The following ABCB1 variants were observed in gnomAD, a reference collection of about 807,000 sequenced individuals.
The protein encoded by ABCB1 is ATP binding cassette subfamily B member 1.
In ABCB1, 69 loss-of-function variants were observed where a neutral mutation model predicts 142.0. The observed-to-expected ratio is 0.49, with a 90% CI of 0.40 to 0.59. The LOEUF (loss-of-function observed/expected upper bound fraction) is 0.59. Among genes scored for constraint, ABCB1 ranks in the 20% least tolerant of loss-of-function variants. The pLI is 0.00. For synonymous variants in ABCB1, 532 were observed against 539.2 expected, an observed-to-expected ratio of 0.99 and a Z score of 0.18; for missense variants, 1,326 against 1,554.7, an observed-to-expected ratio of 0.85 and a Z score of 2.47.
chr7:87,562,211 G>A (rs1320817437), intron 7 of ABCB1, among the ~76,000 whole-genome samples: 1 of 152,208 alleles, frequency 6.6e-6, no homozygotes, highest in Non-Finnish European at 1.5e-5. Context: ...GACAGCTAGA[G>A]GAATGGGTGG....
At chr7:87,537,541 G>A (rs944983600) in intron 19 of ABCB1, among the ~76,000 whole-genome samples, 1 of 152,146 alleles carries the variant, frequency 6.6e-6, no homozygotes, top group Non-Finnish European at 1.5e-5. Flanking sequence ...CGGAGCTGTC[G>A]CTTACTGATA....
At chr7:87,605,926 G>A (rs919002314) in intron 1 of ABCB1, among the ~76,000 whole-genome samples, 1 of 152,010 alleles carries the variant, frequency 6.6e-6, no homozygotes, top group Non-Finnish European at 1.5e-5. Flanking sequence ...TGACTGGAAA[G>A]GGCTAGTAAT....
intron 1 of ABCB1, among the ~76,000 whole-genome samples, chr7:87,681,377 A>T (rs1826911609): frequency 6.6e-6 from 1 of 150,642 alleles, no homozygotes; most frequent in Non-Finnish European, 1.5e-5. Flanking sequence ...CAAGAAAAGG[A>T]AACTCTACTC....
intron 1 of ABCB1, among the ~76,000 whole-genome samples, chr7:87,617,028 T>C (rs1461254698): frequency 6.6e-6 from 1 of 152,192 alleles, no homozygotes; most frequent in Non-Finnish European, 1.5e-5. Context: ...GGGAGTGGGA[T>C]ACAAGTTGAT....
At chr7:87,543,590 T>C (rs1816639327) in intron 17 of ABCB1, among the ~76,000 whole-genome samples, 2 of 152,272 alleles carry the variant, frequency 1.3e-5, no homozygotes, top group Admixed American at 1.3e-4. Context: ...CTGTTGAAAA[T>C]GCCACCATTA....
chr7:87,661,604 T>A (rs1182886221), intron 1 of ABCB1, among the ~76,000 whole-genome samples: 1 of 151,998 alleles, frequency 6.6e-6, no homozygotes, highest in African/African-American at 2.4e-5. Context: ...AGGATCTCAT[T>A]TTTTTATGGC....
At chr7:87,657,847 T>C (rs1254900537) in intron 1 of ABCB1, among the ~76,000 whole-genome samples, 1 of 152,106 alleles carries the variant, frequency 6.6e-6, no homozygotes, top group Non-Finnish European at 1.5e-5. Flanking sequence ...GGAAGCCAAT[T>C]GGGAAACTTG....
chr7:87,678,831 G>A (rs541219598), intron 1 of ABCB1, among the ~76,000 whole-genome samples: 1 of 152,222 alleles, frequency 6.6e-6, no homozygotes, highest in South Asian at 2.1e-4. Flanking sequence ...CAGGGATAAA[G>A]TTGGACATTT....
intron 5 of ABCB1, among the ~76,000 whole-genome samples, chr7:87,567,820 C>T (rs1424254985): frequency 1.3e-5 from 2 of 152,100 alleles, no homozygotes; most frequent in South Asian, 2.1e-4. Flanking sequence ...ACAGGCCAGG[C>T]GTGGTGGCTC....
intron 1 of ABCB1, among the ~76,000 whole-genome samples, chr7:87,671,135 G>T (rs1055397603): frequency 2.6e-5 from 4 of 152,056 alleles, no homozygotes; most frequent in African/African-American, 9.7e-5. Flanking sequence ...CTGTACTGTG[G>T]CCCCAGGCCA....
intron 1 of ABCB1, among the ~76,000 whole-genome samples, chr7:87,702,909 CAGAAG>C (rs1829220439): frequency 6.6e-6 from 1 of 152,162 alleles, no homozygotes; most frequent in African/African-American, 2.4e-5. Context: ...GTATACTCAA[CAGAAG>C]GTTGAGTATA....
intron 4 of ABCB1, among the ~76,000 whole-genome samples, chr7:87,576,027 A>G (rs760448948): frequency 3.5e-4 from 53 of 152,176 alleles, no homozygotes; most frequent in Non-Finnish European, 6.5e-4. Context: ...ATGTATGTCT[A>G]TAAATTATGG....
At chr7:87,662,222 G>C (rs1265080061) in intron 1 of ABCB1, among the ~76,000 whole-genome samples, 2 of 151,998 alleles carry the variant, frequency 1.3e-5, no homozygotes, top group African/African-American at 4.8e-5. Flanking sequence ...TTTGTTGATT[G>C]TTTACTTTGC....
chr7:87,699,693 A>G (rs1171220952), intron 1 of ABCB1, among the ~76,000 whole-genome samples: 1 of 152,226 alleles, frequency 6.6e-6, no homozygotes, highest in African/African-American at 2.4e-5. Flanking sequence ...AGCATGAGCT[A>G]CCATGCCCAA....
At chr7:87,581,215 T>C (rs1818493231) in intron 4 of ABCB1, among the ~76,000 whole-genome samples, 1 of 152,014 alleles carries the variant, frequency 6.6e-6, no homozygotes, top group South Asian at 2.1e-4. Flanking sequence ...CCTCAGCCTC[T>C]CCAATAGCTG....
At chr7:87,595,705 C>T (rs1310369885) in intron 3 of ABCB1, 61 bp downstream of exon 3, 1 of 1,286,174 alleles carries the variant, frequency 7.8e-7, no homozygotes, top group Non-Finnish European at 1.1e-6. Context: ...TATCTCTTTT[C>T]CATGTAAGGA....
chr7:87,705,786 A>G (rs868150178), intron 1 of ABCB1, among the ~76,000 whole-genome samples: 1 of 152,142 alleles, frequency 6.6e-6, no homozygotes, highest in Non-Finnish European at 1.5e-5. Context: ...TCTTATAAAC[A>G]TATTATATGA....
At chr7:87,606,309 G>A (rs1490416299) in intron 1 of ABCB1, among the ~76,000 whole-genome samples, 2 of 152,022 alleles carry the variant, frequency 1.3e-5, no homozygotes, top group Non-Finnish European at 2.9e-5. Flanking sequence ...ATGCTCACAA[G>A]AGTTAAATAA....
intron 1 of ABCB1, among the ~76,000 whole-genome samples, chr7:87,661,983 T>C (rs1280811522): frequency 6.6e-6 from 1 of 152,162 alleles, no homozygotes; most frequent in Non-Finnish European, 1.5e-5. Flanking sequence ...TACTTTTGAT[T>C]TGCATTTATC....
Sources: gnomAD v4.1 joint callset for allele counts (sites outside exome capture counted in the v4.1 genomes callset) on GRCh38, gnomAD v4.1.1 for gene constraint, MANE v1.5 for transcripts, NCBI Gene and HGNC (gene_info 2026-07-23, HGNC 2026-07-21) for gene names.